SNX13: variants seen among roughly 807,000 people sequenced by gnomAD.
SNX13 encodes sorting nexin 13, also known as sorting nexin-13.
Under a neutral mutation model 133.6 loss-of-function variants are expected in SNX13, and 45 were observed. The ratio of observed to expected loss-of-function variants is 0.34; its 90% CI spans 0.27 to 0.43. The LOEUF (loss-of-function observed/expected upper bound fraction) is 0.43, where lower values mean the gene tolerates loss of function less well. SNX13 is among the 20% of genes least tolerant of loss of function. The pLI is 1.00. For synonymous variants in SNX13, 414 were observed against 373.9 expected, an observed-to-expected ratio of 1.11 and a Z score of -1.24; for missense variants, 1,032 against 1,145.1, an observed-to-expected ratio of 0.90 and a Z score of 1.43.
intron 1 of SNX13, among the ~76,000 whole-genome samples, chr7:17,913,754 CAAAAACAA>C (rs1799252074): frequency 1.1e-5 from 1 of 87,270 alleles, no homozygotes; most frequent in Non-Finnish European, 2.4e-5. Flanking sequence ...AGCAAATTAA[CAAAAACAA>C]AAAAAAAAAA....
intron 17 of SNX13, among the ~76,000 whole-genome samples, chr7:17,823,501 C>T (rs1202437311): frequency 1.3e-5 from 2 of 152,172 alleles, no homozygotes; most frequent in Non-Finnish European, 2.9e-5. Context: ...GACAGAAGCT[C>T]TTCCCAAACT....
intron 1 of SNX13, among the ~76,000 whole-genome samples, chr7:17,906,687 C>G (rs1437782542): frequency 1.3e-5 from 2 of 152,072 alleles, no homozygotes; most frequent in Admixed American, 6.6e-5. Flanking sequence ...ACTGTAAGAT[C>G]TAATTGTTAT....
chr7:17,839,733 G>T, intron 13 of SNX13, 74 bp downstream of exon 13: 1 of 1,222,266 alleles, frequency 8.2e-7, no homozygotes, highest in Non-Finnish European at 1.1e-6. Flanking sequence ...AGTCAGCCTG[G>T]CATAAGCAAT....
rs779871230 is a variant in SNX13 at position 17,863,565 on chromosome 7, C to G, written c.837+4842G>C. Among the ~76,000 whole-genome samples, 39 of 152,202 alleles carry G rather than the reference C, an allele frequency of 2.6e-4. 1 individual carries two copies. Among genetic ancestry groups the G allele is most frequent in the Non-Finnish European group, 7.3e-5 (5 of 68,044 alleles). On this transcript the variant is annotated intron_variant, in intron 9 of 25. Coordinates refer to ENST00000428135, the MANE Select transcript of SNX13 (RefSeq NM_015132.5). ...TCCTGGACAGCATTTCTAGACCCAC[C>G]CTTGGCCAGAAGGGAAGCTGTTGCC...
At chr7:17,926,830 G>A (rs1238560897) in intron 1 of SNX13, among the ~76,000 whole-genome samples, 1 of 152,160 alleles carries the variant, frequency 6.6e-6, no homozygotes, top group Non-Finnish European at 1.5e-5. Flanking sequence ...AGGCTGCAGT[G>A]AGCCGTGTTC....
At chr7:17,864,539 G>A (rs751781109) in intron 9 of SNX13, among the ~76,000 whole-genome samples, 18 of 152,124 alleles carry the variant, frequency 1.2e-4, no homozygotes, top group South Asian at 4.2e-4. Context: ...GCTAATCTAC[G>A]ATTTATTGGC....
At position 17,854,929 on chromosome 7, in the gene SNX13, G is replaced by C. The variant is rs373016343; in HGVS notation, c.838-3965C>G. ...GCCAGGAAAATGTATCAAAAGCCAA[G>C]ACAGACTTAAAGCTTGGTCTCTTGC... On this transcript the variant is annotated intron_variant, in intron 9 of 25. Transcript: ENST00000428135. Among the ~76,000 whole-genome samples the C allele has an allele frequency of 1.1e-4, 16 of 152,202 alleles. No individual in the cohort carries two copies. In the East Asian group the frequency reaches 2.9e-3, roughly 28 times the overall value.
At chr7:17,922,564 G>A (rs933085647) in intron 1 of SNX13, among the ~76,000 whole-genome samples, 5 of 152,106 alleles carry the variant, frequency 3.3e-5, no homozygotes, top group Non-Finnish European at 5.9e-5. Flanking sequence ...TTTCTAAATC[G>A]AGATTTTTTT....
chr7:17,939,615 G>T (rs544719183), intron 1 of SNX13, among the ~76,000 whole-genome samples: 1 of 152,184 alleles, frequency 6.6e-6, no homozygotes, highest in South Asian at 2.1e-4. Flanking sequence ...CAGGTCCAAA[G>T]AAAAAAACTA....
chr7:17,940,223 C>A, intron 1 of SNX13, 61 bp downstream of exon 1: 2 of 1,550,656 alleles, frequency 1.3e-6, no homozygotes, highest in South Asian at 1.2e-5. Context: ...TGTTCTCTGA[C>A]GGGCTGGCGC....
At chr7:17,843,888 A>C (rs918797244) in intron 12 of SNX13, among the ~76,000 whole-genome samples, 1 of 152,052 alleles carries the variant, frequency 6.6e-6, no homozygotes, top group Non-Finnish European at 1.5e-5. Context: ...TCACAAGAGA[A>C]ATTAGAAAAT....
chr7:17,805,250 T>TGTGTGTGTGCGCGCGC, intron 20 of SNX13, among the ~76,000 whole-genome samples: 70 of 95,588 alleles, frequency 7.3e-4, no homozygotes, highest in East Asian at 1.7e-3. Context: ...TGTGTGTGTG[T>TGTGTGTGTGCGCGCGC]GCGTGCGCGC....
intron 15 of SNX13, chr7:17,831,919 A>G (rs748791877): frequency 1.0e-6 from 1 of 984,282 alleles, no homozygotes; most frequent in Non-Finnish European, 1.2e-6. Flanking sequence ...GCTGACAGTT[A>G]CTTTAAATAG....
intron 15 of SNX13, 53 bp downstream of exon 15, chr7:17,833,999 A>T: frequency 7.8e-7 from 1 of 1,275,698 alleles, no homozygotes; most frequent in East Asian, 2.8e-5. Context: ...TTTGGTAAGC[A>T]GAATATATAT....
In SNX13 at chr7:17,816,228, CTA is replaced by C; in HGVS notation, c.1905_1906del (p.Asp635GlufsTer22). The C allele has an allele frequency of 6.5e-7, 1 of 1,542,852 alleles. No homozygotes were observed. The highest frequency in any genetic ancestry group is 8.8e-7 in the Non-Finnish European group (1 of 1,142,176). On this transcript the variant is annotated frameshift_variant, in exon 19 of 26. Transcript: ENST00000428135. LOFTEE classifies it high-confidence loss of function. ...CTTTTTTCTCTTTTCTAAAAAATCT[CTA>C]TCCATATTATTAAAAGTCTTTTTTC...
intron 8 of SNX13, among the ~76,000 whole-genome samples, chr7:17,868,774 T>C (rs1207282478): frequency 6.6e-6 from 1 of 152,052 alleles, no homozygotes; most frequent in East Asian, 1.9e-4. Flanking sequence ...ATGTCAATTT[T>C]AAAAAGACAA....
chr7:17,863,271 G>A (rs1198536637), intron 9 of SNX13, among the ~76,000 whole-genome samples: 1 of 152,164 alleles, frequency 6.6e-6, no homozygotes, highest in Non-Finnish European at 1.5e-5. Context: ...TGCAGTCCTA[G>A]GGCAAGCCCT....
At chr7:17,842,187 T>C (rs1324944548) in intron 12 of SNX13, among the ~76,000 whole-genome samples, 2 of 152,016 alleles carry the variant, frequency 1.3e-5, no homozygotes, top group Non-Finnish European at 2.9e-5. Flanking sequence ...ACATTATAAT[T>C]CAACTTTCAA....
intron 2 of SNX13, among the ~76,000 whole-genome samples, chr7:17,893,765 G>A (rs886289077): frequency 6.6e-6 from 1 of 151,980 alleles, no homozygotes; most frequent in African/African-American, 2.4e-5. Context: ...ACAAGGTCAG[G>A]AGTTCGAGAC....
Sources: gnomAD v4.1 joint callset for allele counts (sites outside exome capture counted in the v4.1 genomes callset) on GRCh38, gnomAD v4.1.1 for gene constraint, MANE v1.5 for transcripts, NCBI Gene and HGNC (gene_info 2026-07-23, HGNC 2026-07-21) for gene names.